Variants in PRKCQ observed in about 807,000 individuals in gnomAD.
PRKCQ encodes protein kinase C theta, also known as protein kinase C theta type.
Under a neutral mutation model 91.2 loss-of-function variants are expected in PRKCQ, and 41 were observed. The ratio of observed to expected loss-of-function variants is 0.45; its 90% CI spans 0.35 to 0.58. The LOEUF is 0.58. Among genes scored for constraint, PRKCQ ranks in the 20% least tolerant of loss-of-function variants. The pLI, the probability that PRKCQ is intolerant of heterozygous loss-of-function variation, is 0.00. For synonymous variants in PRKCQ, 307 were observed against 316.9 expected (o/e 0.97, Z 0.33); for missense variants, 673 against 896.5 (o/e 0.75, Z 3.18).
At chr10:6,454,007 C>G (rs1053105424) in intron 15 of PRKCQ, among the ~76,000 whole-genome samples, 2 of 151,938 alleles carry the variant, frequency 1.3e-5, no homozygotes, top group African/African-American at 2.4e-5. Context: ...ACCAGCATGG[C>G]ACATGTATAG....
intron 17 of PRKCQ, 83 bp from the exon 18 acceptor site, chr10:6,428,445 G>A (rs916733407): frequency 1.6e-5 from 24 of 1,467,398 alleles, no homozygotes; most frequent in African/African-American, 7.0e-5. Flanking sequence ...TATCTAGGCC[G>A]TGATCTGCGT....
At chr10:6,560,810 C>A (rs895421314) in intron 1 of PRKCQ, among the ~76,000 whole-genome samples, 7 of 152,210 alleles carry the variant, frequency 4.6e-5, no homozygotes, top group Admixed American at 2.6e-4. Flanking sequence ...GAGGCCGAGG[C>A]GGGTGGATCA....
intron 1 of PRKCQ, among the ~76,000 whole-genome samples, chr10:6,556,059 T>A (rs1840401220): frequency 6.6e-6 from 1 of 152,152 alleles, no homozygotes; most frequent in African/African-American, 2.4e-5. Flanking sequence ...GGTTTAGGAA[T>A]GACCTCTTCA....
At chr10:6,418,902 TCATC>T in the PRKCQ span, among the ~76,000 whole-genome samples, 4 of 62,494 alleles carry the variant, frequency 6.4e-5, no homozygotes, top group Non-Finnish European at 1.0e-4. Context: ...CATCTATTAC[TCATC>T]CATCCATCTG....
intron 4 of PRKCQ, among the ~76,000 whole-genome samples, chr10:6,500,418 T>C (rs1265188666): frequency 2.0e-5 from 3 of 151,292 alleles, no homozygotes; most frequent in Admixed American, 1.3e-4. Flanking sequence ...TCTATACATA[T>C]ATGTTTATAT....
chr10:6,482,575 G>C (rs1048344953), intron 11 of PRKCQ, among the ~76,000 whole-genome samples: 1 of 152,200 alleles, frequency 6.6e-6, no homozygotes, highest in Non-Finnish European at 1.5e-5. Context: ...CCATCCTCCA[G>C]ACCTGCGAGA....
intron 1 of PRKCQ, among the ~76,000 whole-genome samples, chr10:6,561,372 A>G (rs1840628365): frequency 7.4e-4 from 3 of 4,028 alleles, no homozygotes; most frequent in East Asian, 0.013. Context: ...CCTGTCTCAA[A>G]AAAAAAAAAA....
chr10:6,547,250 C>A (rs987420676), intron 1 of PRKCQ, among the ~76,000 whole-genome samples: 31 of 152,032 alleles, frequency 2.0e-4, no homozygotes, highest in African/African-American at 3.1e-4. Flanking sequence ...AACAAATGGA[C>A]GAACATTCCA....
chr10:6,435,358 C>T lies in PRKCQ; in HGVS notation c.1837-4420G>A, dbSNP rs532531864. Reference sequence around the variant, plus strand: ...ACATTTTGTCAAATTCCCTAGAAGACGTTTCTGAGAAAGGGCATTACCTTT... The same window carrying T: ...ACATTTTGTCAAATTCCCTAGAAGATGTTTCTGAGAAAGGGCATTACCTTT... On this transcript the variant is annotated intron_variant, in intron 16 of 17. Transcript: ENST00000263125. Among the ~76,000 whole-genome samples, 100 of 152,282 alleles carry T rather than the reference C, an allele frequency of 6.6e-4. 1 individual carries two copies. In the South Asian group the frequency reaches 0.011, roughly 16 times the overall value.
chr10:6,566,235 C>A (rs995563707), intron 1 of PRKCQ, among the ~76,000 whole-genome samples: 1 of 152,196 alleles, frequency 6.6e-6, no homozygotes, highest in East Asian at 1.9e-4. Flanking sequence ...GTTTGTGGGA[C>A]TGCACTTCGG....
Position 6,531,304 on chromosome 10 carries a change from T to C in PRKCQ, c.-9-16160A>G, listed in dbSNP as rs4575169. Among the ~76,000 whole-genome samples the C allele has an allele frequency of 6.5e-3, 989 of 152,022 alleles. 5 individuals carry two copies. Among genetic ancestry groups the C allele is most frequent in the African/African-American group, 0.022 (930 of 41,462 alleles). ...GCTCAGAATCCAGCACAGTGCCTGG[T>C]GGTTCTAAATCAGTGGTTCTCAGAG... On this transcript the variant is annotated intron_variant, in intron 1 of 17. Transcript: ENST00000263125.
intron 12 of PRKCQ, among the ~76,000 whole-genome samples, chr10:6,477,210 C>T (rs1163723319): frequency 6.6e-6 from 1 of 152,174 alleles, no homozygotes; most frequent in East Asian, 1.9e-4. Context: ...GCCTTCTGAT[C>T]TAATATTACT....
At chr10:6,552,038 T>C (rs1337269183) in intron 1 of PRKCQ, among the ~76,000 whole-genome samples, 2 of 152,200 alleles carry the variant, frequency 1.3e-5, no homozygotes, top group African/African-American at 2.4e-5. Context: ...CTGTATCTCA[T>C]TGTGGTTTTG....
At chr10:6,454,075 A>T (rs1427479568) in intron 15 of PRKCQ, among the ~76,000 whole-genome samples, 1 of 152,130 alleles carries the variant, frequency 6.6e-6, no homozygotes, top group African/African-American at 2.4e-5. Context: ...GTATAATAAT[A>T]ATAAATAAAT....
At chr10:6,443,498 C>T (rs1248219927) in intron 15 of PRKCQ, among the ~76,000 whole-genome samples, 1 of 152,198 alleles carries the variant, frequency 6.6e-6, no homozygotes, top group East Asian at 1.9e-4. Context: ...AAAATCTCTA[C>T]TTGCAACAAC....
chr10:6,513,193 G>A (rs1297878318), intron 2 of PRKCQ, among the ~76,000 whole-genome samples: 2 of 152,066 alleles, frequency 1.3e-5, no homozygotes, highest in African/African-American at 4.8e-5. Context: ...TTGTTCTGTT[G>A]GCTCATTGTG....
rs77550098 is a variant in PRKCQ, at chr10:6,513,247, C to T, written c.118+1771G>A. ...CCCAAGAACTGAAATGTGTTTAAAT[C>T]CTGTAGAAGTAAATATTGAATGATA... On this transcript the variant is annotated intron_variant, in intron 2 of 17. Coordinates refer to ENST00000263125, the MANE Select transcript of PRKCQ (RefSeq NM_006257.5). Among the ~76,000 whole-genome samples, 1,446 of 152,154 alleles carry T rather than the reference C, an allele frequency of 9.5e-3. 18 individuals are homozygous for T. The highest frequency in any genetic ancestry group is 0.033 in the African/African-American group (1,357 of 41,510).
rs1588734082 is a variant in PRKCQ, at chr10:6,483,523, T to C, written c.1096A>G (p.Lys366Glu). 1 of 1,614,104 alleles carries C rather than the reference T, an allele frequency of 6.2e-7. No homozygotes were observed. Among genetic ancestry groups the C allele is most frequent in the African/African-American group, 1.3e-5 (1 of 74,922 alleles). The change falls in exon 11 of 18, where the codon AAA becomes GAA. Residue 366 changes from lysine to glutamate, a missense_variant. Coordinates refer to ENST00000263125, the MANE Select transcript of PRKCQ (RefSeq NM_006257.5). ...TTAATCTGCAGAGATGGTCTTTCTTTGTTCAGTTCAGGTTCTGGAAGATGG... is the reference window on the plus strand; with the variant it reads ...TTAATCTGCAGAGATGGTCTTTCTTCGTTCAGTTCAGGTTCTGGAAGATGG... ...MCHLPEPELN[K>E]ERPSLQIKLK...
At chr10:6,579,334 A>G (rs1292818817) in intron 1 of PRKCQ, among the ~76,000 whole-genome samples, 1 of 151,972 alleles carries the variant, frequency 6.6e-6, no homozygotes, top group Non-Finnish European at 1.5e-5. Context: ...GCCACTCCTG[A>G]ATCATCTTTT....
Sources: gnomAD v4.1 joint callset for allele counts (sites outside exome capture counted in the v4.1 genomes callset) on GRCh38, gnomAD v4.1.1 for gene constraint, MANE v1.5 for transcripts, NCBI Gene and HGNC (gene_info 2026-07-23, HGNC 2026-07-21) for gene names.